Variants in YEATS4 observed in about 807,000 individuals in gnomAD.
The protein encoded by YEATS4 is YEATS domain containing 4.
Under a neutral mutation model 30.1 loss-of-function variants are expected in YEATS4, and 17 were observed. The observed-to-expected ratio is 0.56, with a 90% confidence interval of 0.39 to 0.85. The LOEUF is 0.85. Among genes scored for constraint, YEATS4 ranks in the 40% least tolerant of loss-of-function variants. The pLI is 0.00. For missense variants in YEATS4, 142 were observed against 268.3 expected, an observed-to-expected ratio of 0.53 and a Z score of 3.29; for synonymous variants, 85 against 87.5, an observed-to-expected ratio of 0.97 and a Z score of 0.16.
chr12:69,371,956 C>T (rs1196531062), intron 6 of YEATS4, among the ~76,000 whole-genome samples: 1 of 152,090 alleles, frequency 6.6e-6, no homozygotes, highest in Admixed American at 6.6e-5. Context: ...GTAGAGGGAG[C>T]AGTGAGGACA....
Position 69,390,370 on chromosome 12 carries a change from A to G in YEATS4, c.*54A>G. 2.0e-6 allele frequency: 3 copies of G among 1,470,914 alleles called. No homozygotes were observed. Among genetic ancestry groups the G allele is most frequent in the Non-Finnish European group, 2.7e-6 (3 of 1,106,894 alleles). 91.1% of individuals were successfully genotyped at this position (1,470,914 alleles called of 1,614,324 possible). On this transcript the variant is annotated 3_prime_UTR_variant, in exon 7 of 7. Coordinates refer to ENST00000247843, the MANE Select transcript of YEATS4 (RefSeq NM_006530.4). The stretch of plus-strand genomic sequence containing the variant: ...CTAAACTGAAAATAAGGTGGGCTTC[A>G]CTGGAGAAATGGACTTACTGCAAAT...
intron 6 of YEATS4, among the ~76,000 whole-genome samples, chr12:69,385,153 AC>A (rs1199077537): frequency 2.7e-5 from 4 of 150,620 alleles, no homozygotes; most frequent in Admixed American, 2.7e-4. Flanking sequence ...AGCTAGGACT[AC>A]AGGTATGTGC....
intron 6 of YEATS4, among the ~76,000 whole-genome samples, chr12:69,371,641 G>A (rs11177628): frequency 0.4 from 61,052 of 152,056 alleles, 12,556 homozygotes; most frequent in Non-Finnish European, 0.46. Context: ...ACCAGTTAAT[G>A]CCAACCATTG....
intron 4 of YEATS4, among the ~76,000 whole-genome samples, chr12:69,366,297 A>G (rs1875426636): frequency 6.6e-6 from 1 of 151,978 alleles, no homozygotes; most frequent in South Asian, 2.1e-4. Context: ...GCTTCATTTT[A>G]TATCTTATTT....
chr12:69,387,586 T>G (rs1015503696), intron 6 of YEATS4, among the ~76,000 whole-genome samples: 2 of 152,244 alleles, frequency 1.3e-5, no homozygotes, highest in Admixed American at 1.3e-4. Flanking sequence ...TTCAATTAGG[T>G]CCTCTGTAGT....
At chr12:69,369,984 C>T (rs11177626) in intron 4 of YEATS4, among the ~76,000 whole-genome samples, 2,333 of 152,276 alleles carry the variant, frequency 0.015, 17 homozygotes, top group Non-Finnish European at 0.021. Flanking sequence ...CCCTTCCTTG[C>T]TCCCTATTTC....
Position 69,388,244 on chromosome 12 carries a change from T to A in YEATS4, c.515-1903T>A, listed in dbSNP as rs930636575. On this transcript the variant is annotated intron_variant, in intron 6 of 6. Coordinates refer to ENST00000247843, the MANE Select transcript of YEATS4 (RefSeq NM_006530.4). ...CCCAGCTAATTTTTTGTATTTTTAG[T>A]AGAGACAGGGTTTTACCGTGTATTG... Among the ~76,000 whole-genome samples the A allele has an allele frequency of 8.9e-4, 135 of 152,260 alleles. 1 individual carries two copies. Among genetic ancestry groups the A allele is most frequent in the African/African-American group, 3.1e-3 (130 of 41,568 alleles).
At chr12:69,394,581 A>G (rs1430998307), downstream of YEATS4, among the ~76,000 whole-genome samples, 1 of 152,176 alleles carries the variant, frequency 6.6e-6, no homozygotes, top group Non-Finnish European at 1.5e-5. Context: ...ACCAACAGAG[A>G]GACCAGAAAC....
chr12:69,414,561 C>T, the YEATS4 span, among the ~76,000 whole-genome samples: 1 of 152,150 alleles, frequency 6.6e-6, no homozygotes, highest in African/African-American at 2.4e-5. Flanking sequence ...CCAAATTGGA[C>T]AAATTATTTA....
chr12:69,415,501 C>T, the YEATS4 span, among the ~76,000 whole-genome samples: 1 of 152,112 alleles, frequency 6.6e-6, no homozygotes, highest in Non-Finnish European at 1.5e-5. Context: ...GCAGAGGCTG[C>T]ACTGAGCTGA....
chr12:69,388,108 A>G (rs1193260258), intron 6 of YEATS4, among the ~76,000 whole-genome samples: 1 of 150,002 alleles, frequency 6.7e-6, no homozygotes, highest in Non-Finnish European at 1.5e-5. Context: ...CCCAGGCTGG[A>G]TGGAGTGCAG....
intron 6 of YEATS4, among the ~76,000 whole-genome samples, chr12:69,375,295 A>T (rs1478079439): frequency 7.3e-6 from 1 of 137,040 alleles, no homozygotes; most frequent in African/African-American, 2.8e-5. Flanking sequence ...CGCTCTTCAC[A>T]TCTCAGATGG....
chr12:69,377,606 G>T (rs887580020), intron 6 of YEATS4, among the ~76,000 whole-genome samples: 2 of 152,112 alleles, frequency 1.3e-5, no homozygotes, highest in African/African-American at 4.8e-5. Context: ...TGGTCATTCA[G>T]AAGCATATTG....
chr12:69,388,055 T>TA (rs61026893), intron 6 of YEATS4, among the ~76,000 whole-genome samples: 754 of 73,718 alleles, frequency 0.01, 4 homozygotes, highest in African/African-American at 0.036. Flanking sequence ...TTTATTTTTT[T>TA]TATTTTTATT....
At chr12:69,362,664 C>T in intron 1 of YEATS4, 124 bp from the exon 2 acceptor site, 1 of 649,090 alleles carries the variant, frequency 1.5e-6, no homozygotes, top group Non-Finnish European at 2.3e-6. Flanking sequence ...GAGAGAAATC[C>T]ATATTATAAG....
chr12:69,368,362 T>C (rs1401372737), intron 4 of YEATS4, among the ~76,000 whole-genome samples: 2 of 152,210 alleles, frequency 1.3e-5, no homozygotes, highest in Non-Finnish European at 2.9e-5. Flanking sequence ...TAGGCAAGTA[T>C]AGGCAGTTTC....
At chr12:69,364,294 A>G (rs556490926) in intron 2 of YEATS4, 1 of 316,436 alleles carries the variant, frequency 3.2e-6, no homozygotes, top group African/African-American at 2.3e-5. Flanking sequence ...TCTACAGAAA[A>G]AAAAGGTATC....
chr12:69,400,431 C>CAT, the YEATS4 span, among the ~76,000 whole-genome samples: 235 of 149,030 alleles, frequency 1.6e-3, no homozygotes, highest in African/African-American at 4.1e-3. Context: ...ATATGTATGC[C>CAT]ATATATATAT....
the YEATS4 span, among the ~76,000 whole-genome samples, chr12:69,409,687 C>T: frequency 2.0e-5 from 3 of 151,766 alleles, no homozygotes; most frequent in African/African-American, 7.3e-5. Flanking sequence ...CTGTTATGGA[C>T]TGAATTGTGT....
Sources: allele counts gnomAD v4.1 joint callset (sites outside exome capture counted in the v4.1 genomes callset), GRCh38; gene constraint gnomAD v4.1.1; transcripts MANE v1.5; gene names NCBI Gene and HGNC (gene_info 2026-07-23, HGNC 2026-07-21).